PDE4D: variants seen among roughly 807,000 people sequenced by gnomAD.
PDE4D encodes 3',5'-cyclic-AMP phosphodiesterase 4D.
PDE4D carries 24 observed loss-of-function variants against 87.4 expected under a neutral mutation model. That is an observed-to-expected ratio of 0.27 (90% confidence interval 0.20 to 0.39). The LOEUF (loss-of-function observed/expected upper bound fraction) is 0.39, where lower values mean the gene tolerates loss of function less well. Among genes scored for constraint, PDE4D ranks in the 10% least tolerant of loss-of-function variants. The pLI is 1.00. For missense variants in PDE4D, 714 were observed against 1,041.0 expected (o/e 0.69, Z 4.32); for synonymous variants, 384 against 383.2 (o/e 1.00, Z -0.02).
At position 59,831,394 on chromosome 5, in the gene PDE4D, C is replaced by T. The variant is rs151233954; in HGVS notation, c.455+61774G>A. Among the ~76,000 whole-genome samples the T allele has an allele frequency of 3.3e-3, 501 of 149,704 alleles. 4 individuals carry two copies. The highest frequency in any genetic ancestry group is 0.012 in the African/African-American group (481 of 40,588). On this transcript the variant is annotated intron_variant, in intron 1 of 14. Coordinates refer to ENST00000340635, the MANE Select transcript of PDE4D (RefSeq NM_001104631.2). ...TATCACTGACTTCCAAGCTTGGTGG[C>T]CAAGAACAAGATTCTTTGAAAGAAT...
chr5:59,216,106 TATG>T, intron 1 of PDE4D, 138 bp from the exon 2 acceptor site: 1 of 628,028 alleles, frequency 1.6e-6, no homozygotes, highest in Non-Finnish European at 2.8e-6. Flanking sequence ...GCCATAAAAA[TATG>T]ATAATATTGA....
chr5:59,112,712 G>A (rs1292325895), intron 5 of PDE4D, among the ~76,000 whole-genome samples: 1 of 151,932 alleles, frequency 6.6e-6, no homozygotes, highest in African/African-American at 2.4e-5. Context: ...GGAGGCAGTT[G>A]GGGAAATCTA....
intron 1 of PDE4D, among the ~76,000 whole-genome samples, chr5:59,501,665 G>A (rs909604327): frequency 1.3e-5 from 2 of 152,082 alleles, no homozygotes; most frequent in Admixed American, 6.5e-5. Flanking sequence ...AACTAGTGTA[G>A]TCAATTGATA....
intron 1 of PDE4D, among the ~76,000 whole-genome samples, chr5:59,820,383 T>C (rs531480113): frequency 1.3e-5 from 2 of 152,352 alleles, no homozygotes; most frequent in East Asian, 3.9e-4. Flanking sequence ...GAGGCTCACT[T>C]TTGCTGAACT....
rs1168410064 is a variant in PDE4D, at chr5:59,668,908, A to AGAG, written c.455+224259_455+224260insCTC. Among the ~76,000 whole-genome samples, 10 of 72,614 alleles carry AGAG rather than the reference A, an allele frequency of 1.4e-4. No homozygotes were observed. In the East Asian group the frequency reaches 0.022, roughly 159 times the overall value. 47.6% of individuals were successfully genotyped at this position (72,614 alleles called of 152,430 possible). On this transcript the variant is annotated intron_variant, in intron 1 of 14. Coordinates refer to ENST00000340635, the MANE Select transcript of PDE4D (RefSeq NM_001104631.2). The stretch of plus-strand genomic sequence containing the variant: ...AAGAAGAAGAAGAAGAAGAAGAAGA[A>AGAG]GAAGAAGAAGAAGAAAGAAAGAAAG...
chr5:59,405,798 GT>G (rs1791506172), intron 1 of PDE4D, among the ~76,000 whole-genome samples: 1 of 152,152 alleles, frequency 6.6e-6, no homozygotes, highest in African/African-American at 2.4e-5. Context: ...ATGATCATAT[GT>G]TTTTGTCCTT....
intron 1 of PDE4D, among the ~76,000 whole-genome samples, chr5:59,666,092 C>T (rs964819415): frequency 6.6e-6 from 1 of 152,166 alleles, no homozygotes; most frequent in African/African-American, 2.4e-5. Context: ...TCCCGAGTAG[C>T]TGGGACTACA....
intron 2 of PDE4D, among the ~76,000 whole-genome samples, chr5:60,000,117 C>T (rs1190779514): frequency 4.6e-5 from 7 of 151,802 alleles, no homozygotes; most frequent in African/African-American, 1.7e-4. Context: ...CCAACATACA[C>T]ATAATGCAAA....
intron 1 of PDE4D, among the ~76,000 whole-genome samples, chr5:60,477,331 T>C (rs567127154): frequency 6.6e-6 from 1 of 152,304 alleles, no homozygotes; most frequent in South Asian, 2.1e-4. Context: ...CAATTTGCTT[T>C]AAAAAGGAGG....
chr5:59,933,790 ATT>A (rs1491390124), intron 3 of PDE4D, among the ~76,000 whole-genome samples: 4,875 of 57,240 alleles, frequency 0.085, 263 homozygotes, highest in African/African-American at 0.29. Flanking sequence ...ATATATATAT[ATT>A]AATAAGCATT....
intron 1 of PDE4D, among the ~76,000 whole-genome samples, chr5:59,510,924 C>T (rs2153668575): frequency 6.6e-6 from 1 of 151,830 alleles, no homozygotes; most frequent in East Asian, 1.9e-4. Context: ...AACTTAAATC[C>T]AAGTACCGGT....
intron 1 of PDE4D, among the ~76,000 whole-genome samples, chr5:60,467,094 C>A (rs1422737823): frequency 6.6e-6 from 1 of 151,886 alleles, no homozygotes; most frequent in Non-Finnish European, 1.5e-5. Context: ...GGCTGGAGTG[C>A]AGTGGCGTGA....
At chr5:59,886,390 G>A (rs1010424926) in intron 1 of PDE4D, among the ~76,000 whole-genome samples, 7 of 151,930 alleles carry the variant, frequency 4.6e-5, no homozygotes, top group Non-Finnish European at 1.0e-4. Context: ...GGTGGCAGGC[G>A]CCTGTAGTCC....
At chr5:59,352,863 T>C (rs1780743954) in intron 1 of PDE4D, among the ~76,000 whole-genome samples, 1 of 152,138 alleles carries the variant, frequency 6.6e-6, no homozygotes, top group South Asian at 2.1e-4. Context: ...AGCATGCACA[T>C]ATGTATTTAA....
chr5:59,407,201 T>C (rs1791835598), intron 1 of PDE4D, among the ~76,000 whole-genome samples: 1 of 152,206 alleles, frequency 6.6e-6, no homozygotes. Context: ...ATAAAATCTC[T>C]TTGTTTAAAG....
intron 1 of PDE4D, among the ~76,000 whole-genome samples, chr5:59,484,681 A>T (rs2153657624): frequency 6.6e-6 from 1 of 152,310 alleles, no homozygotes; most frequent in African/African-American, 2.4e-5. Flanking sequence ...ATCTCACTAC[A>T]TTTAATTTCA....
chr5:59,665,645 A>G (rs1327906133), intron 1 of PDE4D, among the ~76,000 whole-genome samples: 2 of 152,232 alleles, frequency 1.3e-5, no homozygotes, highest in African/African-American at 4.8e-5. Context: ...TGATCTGAAC[A>G]TTGGCACCCT....
chr5:59,322,289 T>C (rs550900425), intron 1 of PDE4D, among the ~76,000 whole-genome samples: 132 of 152,104 alleles, frequency 8.7e-4, no homozygotes, highest in Non-Finnish European at 1.6e-3. Context: ...TTGCTGGTGA[T>C]TGAGGGAACA....
At chr5:59,709,836 TA>T (rs759426165) in intron 1 of PDE4D, among the ~76,000 whole-genome samples, 23 of 152,112 alleles carry the variant, frequency 1.5e-4, no homozygotes, top group Non-Finnish European at 1.6e-4. Context: ...AAGGAAGTAA[TA>T]ACCATTAGCA....
Sources: gnomAD v4.1 joint callset for allele counts (sites outside exome capture counted in the v4.1 genomes callset) on GRCh38, gnomAD v4.1.1 for gene constraint, MANE v1.5 for transcripts, NCBI Gene and HGNC (gene_info 2026-07-23, HGNC 2026-07-21) for gene names.